ADGRG3: variants seen among roughly 807,000 people sequenced by gnomAD.
The protein encoded by ADGRG3 is G protein-coupled receptor 97.
ADGRG3 carries 39 observed loss-of-function variants against 54.3 expected under a neutral mutation model. That is an observed-to-expected ratio of 0.72 (90% CI 0.56 to 0.94). The LOEUF is 0.94. Ranked by LOEUF, ADGRG3 falls within the 40% of genes least tolerant of loss-of-function variation. ADGRG3 has a pLI of 0.00. For synonymous variants in ADGRG3, 312 were observed against 290.0 expected (o/e 1.08, Z -0.77); for missense variants, 654 against 694.6 (o/e 0.94, Z 0.66).
intron 8 of ADGRG3, among the ~76,000 whole-genome samples, chr16:57,680,855 G>A (rs1286756196): frequency 6.6e-6 from 1 of 152,218 alleles, no homozygotes; most frequent in African/African-American, 2.4e-5. Flanking sequence ...TCACGTAACT[G>A]AGAATAGCAA....
At chr16:57,682,922 C>T (rs1003019127) in intron 8 of ADGRG3, among the ~76,000 whole-genome samples, 9 of 152,226 alleles carry the variant, frequency 5.9e-5, no homozygotes, top group Admixed American at 2.0e-4. Context: ...CTGGTCCCAC[C>T]ACTGTTAGGC....
At chr16:57,682,285 C>T (rs2048387538) in intron 8 of ADGRG3, among the ~76,000 whole-genome samples, 1 of 152,180 alleles carries the variant, frequency 6.6e-6, no homozygotes, top group Non-Finnish European at 1.5e-5. Flanking sequence ...TGTCCTGTCC[C>T]CTGCCTCCTG....
Position 57,679,289 on chromosome 16 carries a change from T to C in ADGRG3, c.605T>C (p.Phe202Ser). ...TKLAEPLEIV[F>S]SHQRPPPNMT... Reference sequence around the variant, plus strand: ...CTGGCTGAGCCTCTGGAGATCGTCTTCTCTCACCAGCGACCGCCCCCTGTG... The same window carrying C: ...CTGGCTGAGCCTCTGGAGATCGTCTCCTCTCACCAGCGACCGCCCCCTGTG... The change falls in exon 5 of 12, where the codon TTC (phenylalanine) becomes TCC (serine). Residue 202 changes from phenylalanine to serine, a missense_variant. Coordinates refer to ENST00000333493, the MANE Select transcript of ADGRG3 (RefSeq NM_170776.5). The C allele has an allele frequency of 6.2e-7, 1 of 1,613,924 alleles. No individual in the cohort carries two copies. Among genetic ancestry groups the C allele is most frequent in the Non-Finnish European group, 8.5e-7 (1 of 1,179,900 alleles).
Position 57,678,261 on chromosome 16 carries a change from C to T in ADGRG3, c.437C>T (p.Ser146Phe). The T allele has an allele frequency of 6.2e-7, 1 of 1,614,200 alleles. No homozygotes were observed. Among genetic ancestry groups the T allele is most frequent in the Non-Finnish European group, 8.5e-7 (1 of 1,180,026 alleles). The change falls in exon 4 of 12, where the codon TCT becomes TTT. Residue 146 changes from serine to phenylalanine, a missense_variant. Coordinates refer to ENST00000333493, the MANE Select transcript of ADGRG3 (RefSeq NM_170776.5). ...SLFRSLPGNR[S>F]VVRLAVTILD... Reference sequence around the variant, plus strand: ...TTTCGATCCCTGCCAGGCAACAGGTCTGTGGTCCGCTTGGCCGTCACCATT... The same window carrying T: ...TTTCGATCCCTGCCAGGCAACAGGTTTGTGGTCCGCTTGGCCGTCACCATT...
At chr16:57,678,515 C>G in intron 4 of ADGRG3, 199 bp downstream of exon 4, 1 of 592,886 alleles carries the variant, frequency 1.7e-6, no homozygotes, top group East Asian at 2.8e-5. Context: ...ACACTGGTCA[C>G]ACGCTCTCAG....
chr16:57,678,495 C>G (rs2048304624), intron 4 of ADGRG3, 179 bp downstream of exon 4: 1 of 614,280 alleles, frequency 1.6e-6, no homozygotes, highest in South Asian at 2.0e-5. Flanking sequence ...AGTCTATGGT[C>G]TTCAGACTCA....
At chr16:57,672,373 A>AT (rs372600604) in intron 1 of ADGRG3, among the ~76,000 whole-genome samples, 62 of 152,228 alleles carry the variant, frequency 4.1e-4, no homozygotes, top group African/African-American at 1.3e-3. Context: ...TAATTAAAAC[A>AT]TTTTTTCCTT....
rs752087259 is a variant in ADGRG3, at chr16:57,680,545, G to A, written c.809G>A (p.Arg270His). 2.8e-5 allele frequency: 45 copies of A among 1,613,766 alleles called. No homozygotes were observed. Among genetic ancestry groups the A allele is most frequent in the South Asian group, 7.7e-5 (7 of 91,066 alleles). The change falls in exon 8 of 12, where the codon CGC becomes CAC. Residue 270 changes from arginine to histidine, a missense_variant. Coordinates refer to ENST00000333493, the MANE Select transcript of ADGRG3 (RefSeq NM_170776.5). The stretch of plus-strand genomic sequence containing the variant: ...CAGTCCACGGTGCATATCCTCACAC[G>A]CATCTCCCAGGCGGGCTGTGGGGTC... ...LDQSTVHILT[R>H]ISQAGCGVSM...
At position 57,678,281 on chromosome 16, in the gene ADGRG3, ACCATT is replaced by A; in HGVS notation, c.459_463del (p.Ile154GlyfsTer41). 2.5e-6 allele frequency: 4 copies of A among 1,614,202 alleles called. No individual in the cohort carries two copies. In the South Asian group the frequency reaches 4.4e-5, roughly 18 times the overall value. On this transcript the variant is annotated frameshift_variant, in exon 4 of 12. Transcript: ENST00000333493. LOFTEE classifies it high-confidence loss of function. ...CAGGTCTGTGGTCCGCTTGGCCGTC[ACCATT>A]CTGGACATTGGTCCAGGGACTCTCT... is the stretch of plus-strand genomic sequence containing the variant.
Position 57,673,448 on chromosome 16 carries a change from C to A in ADGRG3, c.186C>A (p.Cys62Ter), listed in dbSNP as rs1432200624. The change falls in exon 2 of 12, where the codon TGC becomes TGA. Residue 62 changes from cysteine (C) to a stop codon, truncating the protein, a stop_gained. Transcript: ENST00000333493. LOFTEE classifies it high-confidence loss of function. ...TKCRQSGSDSCNVENLQRYWL... is the reference protein window; with the variant it reads ...TKCRQSGSDS ...GCAGGCAGTCGGGCAGCGACTCCTG[C>A]AATGTGGAAAACTTGCAGAGGTGAG... The A allele has an allele frequency of 2.5e-6, 4 of 1,606,966 alleles. No homozygotes were observed. Among genetic ancestry groups the A allele is most frequent in the East Asian group, 2.2e-5 (1 of 44,676 alleles).
chr16:57,678,899 C>A lies in ADGRG3; in HGVS notation c.493-278C>A, dbSNP rs1358405263. The A allele has an allele frequency of 3.8e-5, 19 of 499,198 alleles. No individual in the cohort carries two copies. The East Asian group carries it at 6.3e-4, about 16-fold the overall frequency. 30.9% of individuals were successfully genotyped at this position (499,198 alleles called of 1,614,324 possible). A position where few individuals can be genotyped will look rare whatever the true frequency, so the allele number is the denominator to read the frequency against. ...TTGGCTGATCTTGGCCCCATGCCCC[C>A]TCTAGTTAAGAGGGCAGAGGAGCTC... On this transcript the variant is annotated intron_variant, in intron 4 of 11. Transcript: ENST00000333493.
chr16:57,674,730 T>G (rs4784003), intron 2 of ADGRG3: 128,562 of 293,328 alleles, frequency 0.44, 29,073 homozygotes, highest in Non-Finnish European at 0.51. Flanking sequence ...ACACAAGTAA[T>G]CCTAGCACTT....
chr16:57,667,814 C>T (rs981851155), upstream of ADGRG3, among the ~76,000 whole-genome samples: 7 of 152,236 alleles, frequency 4.6e-5, no homozygotes, highest in Admixed American at 1.3e-4. Context: ...TCTGGGTCTT[C>T]GTCCTCATGC....
intron 5 of ADGRG3, 43 bp downstream of exon 5, chr16:57,679,354 A>C (rs781409467): frequency 6.2e-7 from 1 of 1,609,264 alleles, no homozygotes; most frequent in Non-Finnish European, 8.5e-7. Context: ...CAGGGCAGAC[A>C]GGCGAGTGGG....
At chr16:57,672,490 A>G (rs1201921611) in intron 1 of ADGRG3, among the ~76,000 whole-genome samples, 2 of 152,212 alleles carry the variant, frequency 1.3e-5, no homozygotes, top group African/African-American at 4.8e-5. Flanking sequence ...GAACACCTAC[A>G]ATGAGCTATG....
chr16:57,687,584 T>C (rs971723146), intron 11 of ADGRG3, among the ~76,000 whole-genome samples: 1 of 152,162 alleles, frequency 6.6e-6, no homozygotes, highest in Non-Finnish European at 1.5e-5. Context: ...TGACAATGCA[T>C]ATGTGGGAAC....
At chr16:57,681,814 G>T (rs1055710073) in intron 8 of ADGRG3, among the ~76,000 whole-genome samples, 1 of 151,900 alleles carries the variant, frequency 6.6e-6, no homozygotes, top group South Asian at 2.1e-4. Context: ...TCAAGATGGC[G>T]ACAGTAGAAC....
chr16:57,668,565 T>C (rs2048093625), intron 1 of ADGRG3, among the ~76,000 whole-genome samples, 160 bp downstream of exon 1: 1 of 152,206 alleles, frequency 6.6e-6, no homozygotes, highest in Admixed American at 6.5e-5. Context: ...GCACCTTCTC[T>C]AGCCCTGTCC....
intron 4 of ADGRG3, 104 bp from the exon 5 acceptor site, chr16:57,679,073 C>T: frequency 4.3e-6 from 6 of 1,394,098 alleles, no homozygotes; most frequent in African/African-American, 1.4e-5. Context: ...ACTCTGCCCT[C>T]CAAGCAAAGG....
Sources: gnomAD v4.1 joint callset for allele counts (sites outside exome capture counted in the v4.1 genomes callset) on GRCh38, gnomAD v4.1.1 for gene constraint, MANE v1.5 for transcripts, NCBI Gene and HGNC (gene_info 2026-07-23, HGNC 2026-07-21) for gene names.